RAI14: variants seen among roughly 807,000 people sequenced by gnomAD.
The protein encoded by RAI14 is retinoic acid induced 14.
A neutral mutation model predicts 115.4 loss-of-function variants in RAI14; 45 were observed. The observed-to-expected ratio is 0.39, with a 90% CI of 0.31 to 0.50. The LOEUF (loss-of-function observed/expected upper bound fraction) is 0.50. Ranked by LOEUF, RAI14 falls within the 20% of genes least tolerant of loss-of-function variation. The pLI is 0.85. For missense variants in RAI14, 939 were observed against 1,131.2 expected (o/e 0.83, Z 2.44); for synonymous variants, 371 against 415.4 (o/e 0.89, Z 1.30).
At chr5:34,779,604 G>A (rs966896506) in intron 3 of RAI14, among the ~76,000 whole-genome samples, 11 of 152,096 alleles carry the variant, frequency 7.2e-5, no homozygotes, top group African/African-American at 2.7e-4. Context: ...AACCATGAGT[G>A]AACTCCCATT....
intron 4 of RAI14, among the ~76,000 whole-genome samples, chr5:34,799,600 GT>G (rs1754003482): frequency 6.7e-6 from 1 of 148,722 alleles, no homozygotes; most frequent in South Asian, 2.1e-4. Context: ...CATGATTAAT[GT>G]CTTCAGGATG....
rs1162113061 is a variant in RAI14 at position 34,824,087 on chromosome 5, G to GA, written c.2251dup (p.Ile751AsnfsTer5). 2.5e-6 allele frequency: 4 copies of GA among 1,613,996 alleles called. No homozygotes were observed. Among genetic ancestry groups the GA allele is most frequent in the Non-Finnish European group, 3.4e-6 (4 of 1,180,006 alleles). ...GCGGACTGCAGCAAAAGAGATGGAA[G>GA]AAAAAATAAGCAATCTTAAGGAACA... On this transcript the variant is annotated frameshift_variant, in exon 15 of 18. Coordinates refer to ENST00000265109, the MANE Select transcript of RAI14 (RefSeq NM_015577.3). LOFTEE classifies it high-confidence loss of function.
In RAI14 at chr5:34,813,888, C is replaced by T. The variant is rs187956596; in HGVS notation, c.852+228C>T. On this transcript the variant is annotated intron_variant, in intron 11 of 17. Transcript: ENST00000265109. ...TAAAAAAACAGTAGAATCGAATAGCCTCTTTTTGAAAAGTCTCAAGGAAAT... is the reference window on the plus strand; with the variant it reads ...TAAAAAAACAGTAGAATCGAATAGCTTCTTTTTGAAAAGTCTCAAGGAAAT... 2.3e-3 allele frequency among the ~76,000 whole-genome samples: 356 copies of T among 152,182 alleles called. 1 individual carries two copies. Among genetic ancestry groups the T allele is most frequent in the African/African-American group, 8.3e-3 (346 of 41,518 alleles).
chr5:34,812,150 T>C, intron 9 of RAI14, 30 bp from the exon 10 acceptor site: 1 of 1,546,916 alleles, frequency 6.5e-7, no homozygotes, highest in East Asian at 2.2e-5. Flanking sequence ...ATGCTTCTTA[T>C]AGTTCTTTTT....
chr5:34,694,295 G>T (rs1332980366), intron 2 of RAI14, among the ~76,000 whole-genome samples: 1 of 152,110 alleles, frequency 6.6e-6, no homozygotes, highest in African/African-American at 2.4e-5. Context: ...TTCTCCTTGG[G>T]ACTGAAACAG....
intron 2 of RAI14, among the ~76,000 whole-genome samples, chr5:34,745,969 C>T (rs1028042350): frequency 6.6e-6 from 1 of 152,108 alleles, no homozygotes; most frequent in South Asian, 2.1e-4. Context: ...TTCCTCTTTA[C>T]TATTTCAGAG....
chr5:34,727,848 A>G (rs1461225747), intron 2 of RAI14, among the ~76,000 whole-genome samples: 1 of 152,196 alleles, frequency 6.6e-6, no homozygotes, highest in Non-Finnish European at 1.5e-5. Flanking sequence ...AACCTCTGCT[A>G]GGGCACTGTG....
At chr5:34,683,018 AAGGCG>A (rs1744499056) in intron 1 of RAI14, among the ~76,000 whole-genome samples, 1 of 152,222 alleles carries the variant, frequency 6.6e-6, no homozygotes, top group African/African-American at 2.4e-5. Context: ...TGGCCCAAGG[AAGGCG>A]AGTCCGTTTA....
At chr5:34,747,161 G>C (rs1220347660) in intron 2 of RAI14, among the ~76,000 whole-genome samples, 1 of 152,046 alleles carries the variant, frequency 6.6e-6, no homozygotes, top group Non-Finnish European at 1.5e-5. Flanking sequence ...GAATTGCTTT[G>C]GCTTTCTCCT....
At chr5:34,778,518 C>G (rs1459217982) in intron 3 of RAI14, among the ~76,000 whole-genome samples, 1 of 152,042 alleles carries the variant, frequency 6.6e-6, no homozygotes, top group Non-Finnish European at 1.5e-5. Flanking sequence ...ACCTGCTATC[C>G]CAGGTAGTGA....
chr5:34,765,105 C>A (rs1749187165), intron 3 of RAI14, among the ~76,000 whole-genome samples: 1 of 152,210 alleles, frequency 6.6e-6, no homozygotes, highest in Non-Finnish European at 1.5e-5. Flanking sequence ...GATTCTGAGG[C>A]CTCCCCAGCC....
chr5:34,688,022 T>G, intron 2 of RAI14: 1 of 1,359,520 alleles, frequency 7.4e-7, no homozygotes. Flanking sequence ...AAGAAAGAAC[T>G]GGGAAGCGTT....
chr5:34,767,784 T>A (rs1464539568), intron 3 of RAI14, among the ~76,000 whole-genome samples: 1 of 151,918 alleles, frequency 6.6e-6, no homozygotes, highest in African/African-American at 2.4e-5. Flanking sequence ...CTTGTCTGAT[T>A]TCTGTTATCA....
chr5:34,713,403 C>G (rs1162922615), intron 2 of RAI14, among the ~76,000 whole-genome samples: 1 of 152,078 alleles, frequency 6.6e-6, no homozygotes, highest in Non-Finnish European at 1.5e-5. Context: ...ATTTTGTGGG[C>G]TGAAGCTATC....
intron 3 of RAI14, among the ~76,000 whole-genome samples, chr5:34,774,448 G>A (rs533905148): frequency 7.9e-5 from 12 of 152,100 alleles, no homozygotes; most frequent in African/African-American, 2.9e-4. Context: ...TAAAAAATCA[G>A]TAGCATTTCT....
intron 2 of RAI14, 55 bp from the exon 3 acceptor site, chr5:34,757,413 A>AGTG: frequency 1.9e-6 from 3 of 1,596,146 alleles, no homozygotes; most frequent in Non-Finnish European, 2.6e-6. Context: ...CCTGCTGGTC[A>AGTG]GTGCGGCTGT....
intron 3 of RAI14, among the ~76,000 whole-genome samples, chr5:34,761,260 C>T (rs1022702910): frequency 1.6e-4 from 25 of 152,368 alleles, no homozygotes; most frequent in Non-Finnish European, 2.5e-4. Flanking sequence ...AGTCACCGCT[C>T]ACTGTAGCCT....
chr5:34,818,740 CT>C (rs1297404281), intron 12 of RAI14, 56 bp from the exon 13 acceptor site: 2 of 1,454,730 alleles, frequency 1.4e-6, no homozygotes, highest in East Asian at 4.5e-5. Flanking sequence ...CTGCTTGATT[CT>C]TTTGTGTAAT....
At chr5:34,785,851 G>T (rs1182056954) in intron 3 of RAI14, among the ~76,000 whole-genome samples, 1 of 152,196 alleles carries the variant, frequency 6.6e-6, no homozygotes, top group Non-Finnish European at 1.5e-5. Flanking sequence ...CCAGGGAACA[G>T]AAGTAGATAA....
Sources: allele counts gnomAD v4.1 joint callset (sites outside exome capture counted in the v4.1 genomes callset), GRCh38; gene constraint gnomAD v4.1.1; transcripts MANE v1.5; gene names NCBI Gene and HGNC (gene_info 2026-07-23, HGNC 2026-07-21).